Variants in ABCC4 observed in about 807,000 individuals in gnomAD.
ABCC4 encodes ATP-binding cassette sub-family C member 4.
Under a neutral mutation model 168.5 loss-of-function variants are expected in ABCC4, and 102 were observed. The observed-to-expected ratio is 0.61, with a 90% CI of 0.52 to 0.71. ABCC4 has a LOEUF of 0.71. Ranked by LOEUF, ABCC4 falls within the 30% of genes least tolerant of loss-of-function variation. ABCC4 has a pLI of 0.00. For missense variants in ABCC4, 1,402 were observed against 1,605.8 expected (o/e 0.87, Z 2.17); for synonymous variants, 617 against 590.7 (o/e 1.04, Z -0.65).
chr13:95,202,644 C>CT (rs10603210), intron 8 of ABCC4, among the ~76,000 whole-genome samples: 1,922 of 92,982 alleles, frequency 0.021, 132 homozygotes, highest in East Asian at 0.056. Flanking sequence ...AGAATGTGCA[C>CT]TTTTTTTTTT....
At chr13:95,110,043 G>A (rs1038886187) in intron 20 of ABCC4, among the ~76,000 whole-genome samples, 11 of 152,110 alleles carry the variant, frequency 7.2e-5, no homozygotes, top group East Asian at 3.9e-4. Context: ...GCGTGATGGC[G>A]CACGCCTGTA....
intron 19 of ABCC4, among the ~76,000 whole-genome samples, chr13:95,119,304 T>A (rs1277616994): frequency 1.3e-5 from 2 of 152,134 alleles, no homozygotes; most frequent in East Asian, 3.8e-4. Context: ...TTATAAGAAG[T>A]ATCTCAAGGC....
rs542872608 is a variant in ABCC4 at position 95,256,216 on chromosome 13, G to A, written c.75-8463C>T. Among the ~76,000 whole-genome samples, 17 of 152,292 alleles carry A rather than the reference G, an allele frequency of 1.1e-4. No homozygotes were observed. In the South Asian group the frequency reaches 2.9e-3, roughly 26 times the overall value. On this transcript the variant is annotated intron_variant, in intron 1 of 30. Coordinates refer to ENST00000645237, the MANE Select transcript of ABCC4 (RefSeq NM_005845.5). ...CTCTCGCATAGCTGAGACTGGAGGTGCATGCCATCATGCCCGGCTAAGTGA... is the reference window on the plus strand; with the variant it reads ...CTCTCGCATAGCTGAGACTGGAGGTACATGCCATCATGCCCGGCTAAGTGA...
chr13:95,187,331 G>A (rs556631049), intron 10 of ABCC4, among the ~76,000 whole-genome samples: 1 of 152,230 alleles, frequency 6.6e-6, no homozygotes, highest in Non-Finnish European at 1.5e-5. Context: ...CTGGCCAGGT[G>A]CAGTGGCTCA....
intron 1 of ABCC4, among the ~76,000 whole-genome samples, chr13:95,272,640 C>A (rs1375791206): frequency 1.3e-5 from 2 of 152,102 alleles, no homozygotes; most frequent in Admixed American, 6.5e-5. Context: ...GTAATCCCAG[C>A]ACTTTGGGAG....
At chr13:95,188,806 C>T (rs2038154309) in intron 9 of ABCC4, among the ~76,000 whole-genome samples, 1 of 152,074 alleles carries the variant, frequency 6.6e-6, no homozygotes, top group African/African-American at 2.4e-5. Flanking sequence ...CTCCAGACTT[C>T]CACAAAATTT....
intron 1 of ABCC4, among the ~76,000 whole-genome samples, chr13:95,263,918 C>T (rs533570560): frequency 6.6e-6 from 1 of 152,074 alleles, no homozygotes; most frequent in Non-Finnish European, 1.5e-5. Context: ...AATGCAGAGG[C>T]TCTTTTGAGA....
chr13:95,268,880 C>T (rs764612624), intron 1 of ABCC4, among the ~76,000 whole-genome samples: 3 of 152,040 alleles, frequency 2.0e-5, no homozygotes, highest in African/African-American at 2.4e-5. Context: ...GTATTCTGAG[C>T]GGCGGTCCCC....
intron 25 of ABCC4, among the ~76,000 whole-genome samples, chr13:95,069,925 C>T (rs757350792): frequency 9.2e-5 from 14 of 152,212 alleles, no homozygotes; most frequent in East Asian, 3.9e-4. Flanking sequence ...GTTATGAACA[C>T]GGGTGGGCCA....
chr13:95,116,112 T>C (rs926677638), intron 19 of ABCC4, 111 bp from the exon 20 acceptor site: 11 of 691,020 alleles, frequency 1.6e-5, no homozygotes, highest in Admixed American at 1.4e-4. Context: ...ATTTAATATA[T>C]TATTCATATG....
intron 21 of ABCC4, 74 bp from the exon 22 acceptor site, chr13:95,075,625 G>A (rs2033873600): frequency 2.5e-6 from 4 of 1,594,760 alleles, no homozygotes; most frequent in Non-Finnish European, 3.4e-6. Flanking sequence ...AAGCTCCATG[G>A]TCACGTATCC....
intron 19 of ABCC4, among the ~76,000 whole-genome samples, chr13:95,135,900 T>C (rs2036129912): frequency 6.6e-6 from 1 of 152,200 alleles, no homozygotes; most frequent in African/African-American, 2.4e-5. Flanking sequence ...CTATTACTTA[T>C]CTCATAAACT....
At chr13:95,126,219 C>G (rs559197981) in intron 19 of ABCC4, among the ~76,000 whole-genome samples, 1 of 152,242 alleles carries the variant, frequency 6.6e-6, no homozygotes, top group South Asian at 2.1e-4. Flanking sequence ...GCTAAATGCT[C>G]ATGGAATATC....
Position 95,178,035 on chromosome 13 carries a change from C to G in ABCC4, c.1602G>C (p.Thr534=). ...DLTVIGDRGT[T]LSGGQKARVN... is the part of the protein sequence containing the mutation. ...CCCGTGCTTTCTGCCCTCCACTCAG[C>G]GTGGTTCCCCGATCTCCTATCACAG... The change falls in exon 12 of 31, where the codon ACG becomes ACC. Residue 534 remains threonine, a synonymous_variant. Coordinates refer to ENST00000645237, the MANE Select transcript of ABCC4 (RefSeq NM_005845.5). 6.2e-7 allele frequency: 1 copy of G among 1,614,214 alleles called. No homozygotes were observed. Among genetic ancestry groups the G allele is most frequent in the Non-Finnish European group, 8.5e-7 (1 of 1,180,018 alleles).
intron 20 of ABCC4, among the ~76,000 whole-genome samples, chr13:95,090,085 T>C (rs2034383236): frequency 6.6e-6 from 1 of 152,088 alleles, no homozygotes; most frequent in Non-Finnish European, 1.5e-5. Context: ...CTGCAGGACC[T>C]AGGAGACACC....
intron 15 of ABCC4, among the ~76,000 whole-genome samples, chr13:95,165,952 C>T (rs957036326): frequency 1.3e-5 from 2 of 152,170 alleles, no homozygotes; most frequent in Non-Finnish European, 2.9e-5. Flanking sequence ...CCTTGACATT[C>T]CCCAGCCTAC....
chr13:95,294,804 A>C (rs1253757991), intron 1 of ABCC4, among the ~76,000 whole-genome samples: 2 of 152,054 alleles, frequency 1.3e-5, no homozygotes, highest in Non-Finnish European at 2.9e-5. Flanking sequence ...AGTACAAAAA[A>C]TTAGCTGAGC....
intron 20 of ABCC4, among the ~76,000 whole-genome samples, chr13:95,114,591 G>A (rs1181947915): frequency 1.3e-5 from 2 of 152,086 alleles, no homozygotes; most frequent in African/African-American, 4.8e-5. Context: ...AAAAATCAGA[G>A]GTCCTTGTTT....
At chr13:95,174,334 A>G (rs940930435) in intron 13 of ABCC4, among the ~76,000 whole-genome samples, 101 of 152,340 alleles carry the variant, frequency 6.6e-4, no homozygotes, top group African/African-American at 2.3e-3. Context: ...CTTTTAATAC[A>G]AAACACTTCA....
Sources: gnomAD v4.1 joint callset for allele counts (sites outside exome capture counted in the v4.1 genomes callset) on GRCh38, gnomAD v4.1.1 for gene constraint, MANE v1.5 for transcripts, NCBI Gene and HGNC (gene_info 2026-07-23, HGNC 2026-07-21) for gene names.